HDAC4: variants seen among roughly 807,000 people sequenced by gnomAD.
The protein encoded by HDAC4 is histone deacetylase A.
HDAC4 carries 16 observed loss-of-function variants against 135.1 expected under a neutral mutation model. The ratio of observed to expected loss-of-function variants is 0.12; its 90% confidence interval spans 0.08 to 0.18. The LOEUF (loss-of-function observed/expected upper bound fraction) is 0.18, where lower values mean the gene tolerates loss of function less well. Ranked by LOEUF, HDAC4 falls within the 10% of genes least tolerant of loss-of-function variation. The probability of loss-of-function intolerance (pLI) is 1.00; values close to 1 mark genes in which losing one functional copy is unlikely to be tolerated. For synonymous variants in HDAC4, 685 were observed against 653.4 expected (o/e 1.05, Z -0.74); for missense variants, 1,143 against 1,511.8 (o/e 0.76, Z 4.05).
chr2:239,381,113 G>A (rs927942117), intron 1 of HDAC4, among the ~76,000 whole-genome samples: 1 of 152,180 alleles, frequency 6.6e-6, no homozygotes, highest in Non-Finnish European at 1.5e-5. Context: ...GCGATGCTCT[G>A]AGGAAGGAAA....
intron 7 of HDAC4, among the ~76,000 whole-genome samples, chr2:239,148,848 G>C (rs1329270872): frequency 6.6e-6 from 1 of 152,200 alleles, no homozygotes; most frequent in South Asian, 2.1e-4. Flanking sequence ...GCTGTGCAGA[G>C]GAGGGTCTCC....
chr2:239,256,163 C>G (rs996137652), intron 2 of HDAC4, among the ~76,000 whole-genome samples: 1 of 152,224 alleles, frequency 6.6e-6, no homozygotes, highest in African/African-American at 2.4e-5. Context: ...GAAACATTCT[C>G]AGAGAGGCAG....
intron 2 of HDAC4, among the ~76,000 whole-genome samples, chr2:239,301,829 T>C (rs1313469860): frequency 6.6e-6 from 1 of 152,180 alleles, no homozygotes; most frequent in African/African-American, 2.4e-5. Context: ...GATCAAATAC[T>C]ACAATGCTAC....
chr2:239,120,402 G>C (rs200195771), intron 12 of HDAC4, among the ~76,000 whole-genome samples: 3 of 68,266 alleles, frequency 4.4e-5, no homozygotes, highest in Admixed American at 1.3e-4. Flanking sequence ...GACGCACACA[G>C]ACACACACAC....
intron 2 of HDAC4, among the ~76,000 whole-genome samples, chr2:239,261,472 G>T (rs758005066): frequency 1.3e-5 from 2 of 152,132 alleles, no homozygotes; most frequent in Non-Finnish European, 1.5e-5. Context: ...CAGGCCCTGG[G>T]GACCCTGTTA....
chr2:239,292,997 C>T (rs1279311243), intron 2 of HDAC4, among the ~76,000 whole-genome samples: 1 of 152,160 alleles, frequency 6.6e-6, no homozygotes, highest in African/African-American at 2.4e-5. Context: ...AAAAAAATAA[C>T]AGCTGAATGT....
chr2:239,081,479 G>A (rs1288477350), intron 21 of HDAC4, among the ~76,000 whole-genome samples: 3 of 152,224 alleles, frequency 2.0e-5, no homozygotes, highest in East Asian at 1.9e-4. Context: ...CTGCGGACCC[G>A]CCGCCCTGTG....
chr2:239,244,381 G>A (rs2048356649), intron 2 of HDAC4, among the ~76,000 whole-genome samples: 1 of 152,066 alleles, frequency 6.6e-6, no homozygotes, highest in Non-Finnish European at 1.5e-5. Flanking sequence ...GGCCCATGTG[G>A]CCCACCAAGA....
chr2:239,218,711 C>G (rs937274790), intron 3 of HDAC4, among the ~76,000 whole-genome samples: 3 of 139,892 alleles, frequency 2.1e-5, no homozygotes. Flanking sequence ...ATTTTCGCAA[C>G]CTACTCATCT....
At position 239,089,775 on chromosome 2, in the gene HDAC4, TC is replaced by T. The variant is rs567627049; in HGVS notation, c.2388+233del. The T allele has an allele frequency of 4.9e-4, 275 of 559,924 alleles. 2 individuals are homozygous for T. The African/African-American group carries it at 4.9e-3, about 10-fold the overall frequency. The allele number at this position is 559,924 out of a possible 1,614,324, so 34.7% of individuals were successfully genotyped here. A position where few individuals can be genotyped will look rare whatever the true frequency, so the allele number is the denominator to read the frequency against. ...ATAAATTTTTAAGAGTATAAAGGGT[TC>T]TTAAGACCCAAATCATTGAGAATCT... On this transcript the variant is annotated intron_variant, in intron 18 of 26. Coordinates refer to ENST00000543185, the MANE Select transcript of HDAC4 (RefSeq NM_001378414.1).
chr2:239,284,581 C>G (rs978886805), intron 2 of HDAC4, among the ~76,000 whole-genome samples: 3 of 152,234 alleles, frequency 2.0e-5, no homozygotes, highest in Non-Finnish European at 4.4e-5. Context: ...CCGGTGCCAA[C>G]AGAGGCAGAG....
At position 239,092,072 on chromosome 2, in the gene HDAC4, A is replaced by AAAAC. The variant is rs1335261482; in HGVS notation, c.2281-1960_2281-1957dup. 2.0e-5 allele frequency among the ~76,000 whole-genome samples: 3 copies of AAAAC among 152,042 alleles called. No individual in the cohort carries two copies. In the South Asian group the frequency reaches 6.2e-4, roughly 32 times the overall value. ...GGCGACAGAGCCAGACTCCGTCTCA[A>AAAAC]AAACAAACAAACAAAAATTAGCCAG... On this transcript the variant is annotated intron_variant, in intron 17 of 26. Transcript: ENST00000543185.
At position 239,299,712 on chromosome 2, in the gene HDAC4, T is replaced by C. The variant is rs2052134952; in HGVS notation, c.22+52966A>G. 6.6e-6 allele frequency among the ~76,000 whole-genome samples: 1 copy of C among 152,222 alleles called. No homozygotes were observed. Among genetic ancestry groups the C allele is most frequent in the African/African-American group, 2.4e-5 (1 of 41,464 alleles). Reference sequence around the variant, plus strand: ...GCAAGGTCCTGCCCACCTGCACTGGTGGCCTCCCAGCAGCTCTCATAGACC... The same window carrying C: ...GCAAGGTCCTGCCCACCTGCACTGGCGGCCTCCCAGCAGCTCTCATAGACC... On this transcript the variant is annotated intron_variant, in intron 2 of 26. Coordinates refer to ENST00000543185, the MANE Select transcript of HDAC4 (RefSeq NM_001378414.1). The surrounding 1 kb of genome is among the most constrained non-coding windows in gnomAD (Gnocchi z 4.0).
intron 1 of HDAC4, among the ~76,000 whole-genome samples, chr2:239,392,419 T>C (rs1240395619): frequency 6.6e-6 from 1 of 152,222 alleles, no homozygotes; most frequent in Non-Finnish European, 1.5e-5. Context: ...ATTTTTTCAG[T>C]GCAAAATCTG....
intron 5 of HDAC4, 134 bp from the exon 6 acceptor site, chr2:239,164,057 G>C: frequency 9.3e-7 from 1 of 1,080,454 alleles, no homozygotes; most frequent in Admixed American, 1.8e-5. Flanking sequence ...GGCCTCCTGA[G>C]CGCTTCCTCA....
At chr2:239,351,102 T>C (rs1286617685) in intron 2 of HDAC4, among the ~76,000 whole-genome samples, 1 of 152,228 alleles carries the variant, frequency 6.6e-6, no homozygotes, top group Non-Finnish European at 1.5e-5. Flanking sequence ...GAACGAGGCT[T>C]CTGGAGCAAT....
At chr2:239,134,491 A>C (rs2152882266) in intron 10 of HDAC4, 36 bp downstream of exon 10, 1 of 1,612,708 alleles carries the variant, frequency 6.2e-7, no homozygotes, top group Non-Finnish European at 8.5e-7. Flanking sequence ...CATCACCACC[A>C]CCCCACACCA....
chr2:239,127,218 T>C (rs1050996628), intron 11 of HDAC4, among the ~76,000 whole-genome samples: 1 of 152,258 alleles, frequency 6.6e-6, no homozygotes, highest in Non-Finnish European at 1.5e-5. Flanking sequence ...ACTGATTTTA[T>C]GCACAAAGAT....
intron 2 of HDAC4, among the ~76,000 whole-genome samples, chr2:239,298,938 G>A (rs113731038): frequency 1.0e-3 from 138 of 135,676 alleles, no homozygotes; most frequent in Non-Finnish European, 1.7e-3. Flanking sequence ...GCGCCATCTC[G>A]GCTCACTGCA....
Sources: gnomAD v4.1 joint callset for allele counts (sites outside exome capture counted in the v4.1 genomes callset) on GRCh38, gnomAD v4.1.1 for gene constraint, Gnocchi (gnomAD v3.1) non-coding constraint, MANE v1.5 for transcripts, NCBI Gene and HGNC (gene_info 2026-07-23, HGNC 2026-07-21) for gene names.